KIAA0232: variants seen among roughly 807,000 people sequenced by gnomAD.
KIAA0232 encodes uncharacterized protein KIAA0232.
KIAA0232 carries 27 observed loss-of-function variants against 122.0 expected under a neutral mutation model. That is an observed-to-expected ratio of 0.22 (90% confidence interval 0.16 to 0.31). KIAA0232 has a LOEUF of 0.31. KIAA0232 is among the 10% of genes least tolerant of loss of function. The probability of loss-of-function intolerance (pLI) is 1.00; values close to 1 mark genes in which losing one functional copy is unlikely to be tolerated. For synonymous variants in KIAA0232, 613 were observed against 587.6 expected (o/e 1.04, Z -0.63); for missense variants, 1,551 against 1,634.2 (o/e 0.95, Z 0.88).
At chr4:6,787,419 A>G (rs1052994923) in intron 1 of KIAA0232, among the ~76,000 whole-genome samples, 5 of 152,166 alleles carry the variant, frequency 3.3e-5, no homozygotes, top group African/African-American at 1.2e-4. Flanking sequence ...TTTATTTGGG[A>G]ACTGAGAACG....
At chr4:6,799,104 C>T (rs1294466239) in intron 1 of KIAA0232, among the ~76,000 whole-genome samples, 1 of 151,990 alleles carries the variant, frequency 6.6e-6, no homozygotes, top group Non-Finnish European at 1.5e-5. Context: ...CCATGCCCTA[C>T]TCTTAGCGTC....
intron 3 of KIAA0232, among the ~76,000 whole-genome samples, chr4:6,840,269 C>T (rs376794348): frequency 3.3e-5 from 5 of 152,144 alleles, no homozygotes; most frequent in Admixed American, 1.3e-4. Flanking sequence ...TCATGTTCCC[C>T]GCATTCCCAG....
chr4:6,864,564 C>T (rs1292538483), intron 7 of KIAA0232, among the ~76,000 whole-genome samples: 1 of 151,506 alleles, frequency 6.6e-6, no homozygotes, highest in Admixed American at 6.6e-5. Context: ...CATGGTGAGA[C>T]CCCGTCTCTA....
chr4:6,876,310 CCTGTGGGTCTCT>C (rs1721754608), intron 8 of KIAA0232, among the ~76,000 whole-genome samples: 1 of 152,098 alleles, frequency 6.6e-6, no homozygotes, highest in South Asian at 2.1e-4. Context: ...GAGCATGGGC[CCTGTGGGTCTCT>C]CTGTCGTGTG....
intron 6 of KIAA0232, among the ~76,000 whole-genome samples, chr4:6,858,863 A>C (rs1577404210): frequency 6.6e-6 from 1 of 152,244 alleles, no homozygotes; most frequent in East Asian, 1.9e-4. Flanking sequence ...TAATCCCAGC[A>C]CTTTGGGAAG....
rs1719695090 is a variant in KIAA0232, at chr4:6,842,076, A to T, written c.241A>T (p.Ile81Phe). 1 of 1,613,442 alleles carries T rather than the reference A, an allele frequency of 6.2e-7. No individual in the cohort carries two copies. The highest frequency in any genetic ancestry group is 1.3e-5 in the African/African-American group (1 of 74,854). Reference protein sequence around the residue: ...DYDLQEQENDIFLGWEKGAYK... With the variant: ...DYDLQEQENDFFLGWEKGAYK... ...TGCAATTTCATTGCAGGAGAATGAC[A>T]TCTTCCTGGGCTGGGAAAAAGGAGC... The change falls in exon 4 of 10, where the codon ATC becomes TTC. Residue 81 changes from isoleucine to phenylalanine, a missense_variant. By Grantham distance (21) the Ile-to-Phe change is conservative. Around this residue, in one of 5 missense-constraint regions of KIAA0232, gnomAD observed 377 missense variants for 381.7 expected, o/e 0.99. Transcript: ENST00000307659.
chr4:6,864,097 G>A lies in KIAA0232; in HGVS notation c.3715G>A (p.Glu1239Lys). The change falls in exon 7 of 10, where the codon GAA becomes AAA. Residue 1239 changes from glutamate (E) to lysine (K), a missense_variant. Glu to Lys is a moderately conservative substitution (Grantham distance 56). This residue lies in a region of KIAA0232 where 1,108 missense variants were observed against 1,154.8 expected (regional missense o/e 0.96). Transcript: ENST00000307659. ...TAAAATAATGGCACAATGCGAGGAAGAAATTAATAATTTTTGTGGTTGCAA... is the reference window on the plus strand; with the variant it reads ...TAAAATAATGGCACAATGCGAGGAAAAAATTAATAATTTTTGTGGTTGCAA... ...NCKIMAQCEE[E>K]INNFCGCKAG... is the part of the protein sequence containing the mutation. 4.3e-6 allele frequency: 7 copies of A among 1,614,100 alleles called. No individual in the cohort carries two copies. Among genetic ancestry groups the A allele is most frequent in the Non-Finnish European group, 5.1e-6 (6 of 1,179,998 alleles).
chr4:6,799,624 A>G (rs1717287801), intron 1 of KIAA0232, among the ~76,000 whole-genome samples: 1 of 152,190 alleles, frequency 6.6e-6, no homozygotes, highest in Non-Finnish European at 1.5e-5. Flanking sequence ...AAAGACTCTT[A>G]TAATAGAGAC....
chr4:6,845,464 C>T (rs779468381), intron 4 of KIAA0232, among the ~76,000 whole-genome samples: 61 of 152,074 alleles, frequency 4.0e-4, no homozygotes, highest in Non-Finnish European at 2.8e-4. Flanking sequence ...TCAAACTGCA[C>T]GGTACAGGCC....
chr4:6,866,172 T>G (rs1271769712), intron 7 of KIAA0232: 13 of 946,352 alleles, frequency 1.4e-5, no homozygotes, highest in Non-Finnish European at 1.6e-5. Flanking sequence ...TTATGTACTT[T>G]GTATTTCACC....
chr4:6,822,960 G>C (rs1718492909), intron 2 of KIAA0232, among the ~76,000 whole-genome samples: 2 of 132,992 alleles, frequency 1.5e-5, no homozygotes, highest in Non-Finnish European at 3.1e-5. Flanking sequence ...CCCAGAGTGT[G>C]ATGTGCCCCT....
chr4:6,847,940 C>T (rs1192241068), intron 4 of KIAA0232, among the ~76,000 whole-genome samples: 1 of 151,934 alleles, frequency 6.6e-6, no homozygotes, highest in Non-Finnish European at 1.5e-5. Flanking sequence ...CTTTATCTCC[C>T]ACTTTGAGGA....
chr4:6,803,475 A>AT (rs1349410009), intron 1 of KIAA0232, among the ~76,000 whole-genome samples: 1 of 152,196 alleles, frequency 6.6e-6, no homozygotes, highest in Non-Finnish European at 1.5e-5. Flanking sequence ...TAGTTGGAAG[A>AT]TTCCAGTAGT....
intron 3 of KIAA0232, among the ~76,000 whole-genome samples, chr4:6,835,480 T>C (rs1719214625): frequency 6.6e-6 from 1 of 152,212 alleles, no homozygotes; most frequent in Admixed American, 6.5e-5. Context: ...TTTTTATTAG[T>C]AGTATACTTT....
At chr4:6,874,432 G>T (rs1187952416) in intron 8 of KIAA0232, among the ~76,000 whole-genome samples, 1 of 152,178 alleles carries the variant, frequency 6.6e-6, no homozygotes, top group Non-Finnish European at 1.5e-5. Context: ...GTGGGGATGA[G>T]GCCAGCCAGG....
chr4:6,870,768 C>T (rs1721433013), intron 7 of KIAA0232, among the ~76,000 whole-genome samples: 2 of 151,132 alleles, frequency 1.3e-5, no homozygotes, highest in African/African-American at 4.9e-5. Context: ...TGCCACTGCA[C>T]TCCAGCCTGG....
At position 6,857,222 on chromosome 4, in the gene KIAA0232, G is replaced by C; in HGVS notation, c.428G>C (p.Ser143Thr). ...TGCTCCAGACTGAAAGACCTTCAGA[G>C]TAAGCAAGGTGAGGTCAAAAGCACT... ...ELCSRLKDLQSKQEEKIHKKL... is the reference protein window; with the variant it reads ...ELCSRLKDLQTKQEEKIHKKL... Residue 143 changes from serine to threonine, a missense_variant, in exon 5 of 10, where the codon AGT (serine) becomes ACT (threonine). Transcript: ENST00000307659. The C allele has an allele frequency of 6.2e-7, 1 of 1,612,198 alleles. No individual in the cohort carries two copies. The highest frequency in any genetic ancestry group is 1.3e-5 in the African/African-American group (1 of 74,948).
At chr4:6,801,159 C>A (rs571166350) in intron 1 of KIAA0232, among the ~76,000 whole-genome samples, 4 of 152,182 alleles carry the variant, frequency 2.6e-5, no homozygotes, top group Non-Finnish European at 5.9e-5. Context: ...TGGAAATGTT[C>A]ACTGTCTTTT....
rs1722120645 is a variant in KIAA0232, at chr4:6,882,384, T to C, written c.*1418T>C. 1 of 152,162 alleles carries C rather than the reference T, an allele frequency of 6.6e-6. No individual in the cohort carries two copies. The highest frequency in any genetic ancestry group is 1.5e-5 in the Non-Finnish European group (1 of 68,024). The allele number at this position is 152,162 out of a possible 1,614,324, so 9.4% of individuals were successfully genotyped here. ...CATTTGGGCAGGCAGTAAACACACA[T>C]ATAATTTATTAGCTGGGAGCTGAAC... On this transcript the variant is annotated 3_prime_UTR_variant, in exon 10 of 10. Coordinates refer to ENST00000307659, the MANE Select transcript of KIAA0232 (RefSeq NM_014743.3).
Sources: gnomAD v4.1 joint callset for allele counts (sites outside exome capture counted in the v4.1 genomes callset) on GRCh38, gnomAD v4.1.1 for gene constraint, gnomAD v4.1.1 regional missense constraint, MANE v1.5 for transcripts, NCBI Gene and HGNC (gene_info 2026-07-23, HGNC 2026-07-21) for gene names.